GAS7: variants seen among roughly 807,000 people sequenced by gnomAD.
The protein encoded by GAS7 is growth arrest-specific protein 7.
A neutral mutation model predicts 71.1 loss-of-function variants in GAS7; 28 were observed. The ratio of observed to expected loss-of-function variants is 0.39; its 90% CI spans 0.29 to 0.54. The LOEUF (loss-of-function observed/expected upper bound fraction) is 0.54. GAS7 is among the 20% of genes least tolerant of loss of function. The pLI is 0.62. For synonymous variants in GAS7, 258 were observed against 245.8 expected (o/e 1.05, Z -0.46); for missense variants, 436 against 627.8 (o/e 0.69, Z 3.27).
intron 1 of GAS7, among the ~76,000 whole-genome samples, chr17:10,032,337 T>A (rs909871304): frequency 6.6e-6 from 1 of 152,186 alleles, no homozygotes; most frequent in Admixed American, 6.5e-5. Flanking sequence ...GATGAACTGT[T>A]GAGGAATGTT....
chr17:9,994,861 G>T (rs1457160700), intron 2 of GAS7, among the ~76,000 whole-genome samples: 1 of 152,208 alleles, frequency 6.6e-6, no homozygotes, highest in East Asian at 1.9e-4. Context: ...CCTTCCCAAA[G>T]TCTTATCTTA....
chr17:9,979,233 C>T (rs549830440), intron 3 of GAS7, among the ~76,000 whole-genome samples: 51 of 152,298 alleles, frequency 3.3e-4, no homozygotes, highest in Admixed American at 1.9e-3. Flanking sequence ...TCATGGAGCA[C>T]GGATACATCT....
chr17:10,188,832 T>C (rs1032021726), intron 1 of GAS7, among the ~76,000 whole-genome samples: 1 of 152,076 alleles, frequency 6.6e-6, no homozygotes, highest in Non-Finnish European at 1.5e-5. Flanking sequence ...GAGAAAAAAT[T>C]TGGGTTTCCC....
intron 1 of GAS7, among the ~76,000 whole-genome samples, chr17:10,047,326 AC>A (rs969254111): frequency 1.3e-5 from 2 of 152,228 alleles, no homozygotes; most frequent in Non-Finnish European, 2.9e-5. Context: ...GTGACAGTTC[AC>A]CAGGCAAAGG....
At chr17:9,970,547 G>T (rs536027021) in intron 3 of GAS7, among the ~76,000 whole-genome samples, 1 of 152,012 alleles carries the variant, frequency 6.6e-6, no homozygotes, top group Non-Finnish European at 1.5e-5. Flanking sequence ...CAGGAGGATC[G>T]CTTGAACCCA....
At chr17:10,138,564 A>G (rs529064553) in intron 1 of GAS7, among the ~76,000 whole-genome samples, 2 of 152,120 alleles carry the variant, frequency 1.3e-5, no homozygotes, top group Admixed American at 1.3e-4. Context: ...GGAGTTTGAG[A>G]CCAGCCTGAC....
intron 1 of GAS7, among the ~76,000 whole-genome samples, chr17:10,181,449 G>A (rs1276438808): frequency 6.6e-6 from 1 of 152,018 alleles, no homozygotes; most frequent in East Asian, 1.9e-4. Flanking sequence ...GAAGAGGATG[G>A]GGGAGGAGGG....
Position 10,167,073 on chromosome 17 carries a change from T to TTTTTC in GAS7, c.183+31134_183+31135insGAAAA, listed in dbSNP as rs138918612. ...TTTTTTTTTTTTTTTTTTTTTTTTT[T>TTTTTC]TGAGACAGAGTTTCACTCTCGTTGC... is the stretch of plus-strand genomic sequence containing the variant. On this transcript the variant is annotated intron_variant, in intron 1 of 13. Coordinates refer to ENST00000432992, the MANE Select transcript of GAS7 (RefSeq NM_201433.2). Among the ~76,000 whole-genome samples, 249 of 116,048 alleles carry TTTTTC rather than the reference T, an allele frequency of 2.1e-3. 1 individual carries two copies. The highest frequency in any genetic ancestry group is 3.6e-3 in the Non-Finnish European group (200 of 55,652). 76.1% of individuals were successfully genotyped at this position (116,048 alleles called of 152,430 possible).
chr17:10,086,602 T>G (rs1179994527), intron 1 of GAS7, among the ~76,000 whole-genome samples: 1 of 151,880 alleles, frequency 6.6e-6, no homozygotes, highest in Non-Finnish European at 1.5e-5. Flanking sequence ...GAAATTGGGG[T>G]TGTACAAGCT....
intron 6 of GAS7, 74 bp downstream of exon 6, chr17:9,946,820 C>T: frequency 1.2e-6 from 1 of 866,584 alleles, no homozygotes; most frequent in South Asian, 1.5e-5. Flanking sequence ...AGATCCAGGT[C>T]CCTCCTACCC....
At chr17:10,122,762 C>A (rs2073914913) in intron 1 of GAS7, among the ~76,000 whole-genome samples, 1 of 151,988 alleles carries the variant, frequency 6.6e-6, no homozygotes, top group Non-Finnish European at 1.5e-5. Flanking sequence ...AGCTGAAGAT[C>A]TTTTTTTTAA....
At chr17:10,183,246 C>T (rs943726029) in intron 1 of GAS7, among the ~76,000 whole-genome samples, 3 of 152,034 alleles carry the variant, frequency 2.0e-5, no homozygotes, top group African/African-American at 4.8e-5. Context: ...CCTACTGAAT[C>T]CAAATCTGCA....
At chr17:10,194,576 T>A (rs1208326513) in intron 1 of GAS7, among the ~76,000 whole-genome samples, 1 of 152,224 alleles carries the variant, frequency 6.6e-6, no homozygotes, top group Admixed American at 6.5e-5. Flanking sequence ...CCCAGGTCTA[T>A]GGAGGCAATC....
chr17:10,002,099 AG>A (rs1015555348), intron 2 of GAS7, among the ~76,000 whole-genome samples: 2 of 141,422 alleles, frequency 1.4e-5, no homozygotes, highest in African/African-American at 6.2e-5. Flanking sequence ...GTCAGTTTCC[AG>A]GGGGCTGCTA....
At chr17:10,055,692 A>C (rs2073126693) in intron 1 of GAS7, among the ~76,000 whole-genome samples, 2 of 152,266 alleles carry the variant, frequency 1.3e-5, no homozygotes, top group Non-Finnish European at 2.9e-5. Flanking sequence ...TCTGGTTCAC[A>C]ATAAAAAACA....
At chr17:10,064,042 T>C (rs79821447) in intron 1 of GAS7, among the ~76,000 whole-genome samples, 3,565 of 152,192 alleles carry the variant, frequency 0.023, 150 homozygotes, top group African/African-American at 0.081. Context: ...GCTCGAACAT[T>C]AGTCACACAC....
chr17:10,174,711 AAT>A (rs2074360386), intron 1 of GAS7, among the ~76,000 whole-genome samples: 2 of 152,118 alleles, frequency 1.3e-5, no homozygotes, highest in Non-Finnish European at 1.5e-5. Flanking sequence ...AATTAAAAAA[AAT>A]AAAAAACAAT....
chr17:9,958,950 G>C, intron 5 of GAS7: 1 of 1,388,120 alleles, frequency 7.2e-7, no homozygotes, highest in Non-Finnish European at 9.3e-7. Flanking sequence ...TGAAAAAACG[G>C]CTTCTGCATC....
At chr17:10,189,486 T>C (rs1334803969) in intron 1 of GAS7, among the ~76,000 whole-genome samples, 1 of 152,200 alleles carries the variant, frequency 6.6e-6, no homozygotes, top group Non-Finnish European at 1.5e-5. Flanking sequence ...CCCCAGGTTC[T>C]ATCTCCTTCC....
Sources: gnomAD v4.1 joint callset for allele counts (sites outside exome capture counted in the v4.1 genomes callset) on GRCh38, gnomAD v4.1.1 for gene constraint, MANE v1.5 for transcripts, NCBI Gene and HGNC (gene_info 2026-07-23, HGNC 2026-07-21) for gene names.